The following GPR39 variants were observed in gnomAD, a reference collection of about 807,000 sequenced individuals.
The protein encoded by GPR39 is zinc sensing receptor.
GPR39 carries 23 observed loss-of-function variants against 18.4 expected under a neutral mutation model. The observed-to-expected ratio is 1.25, with a 90% CI of 0.90 to 1.77. The LOEUF (loss-of-function observed/expected upper bound fraction) is 1.77. Ranked by LOEUF, GPR39 falls within the 40% of genes most tolerant of loss-of-function variation. The pLI, the probability that GPR39 is intolerant of heterozygous loss-of-function variation, is 0.00. For missense variants in GPR39, 647 were observed against 602.4 expected, an observed-to-expected ratio of 1.07 and a Z score of -0.78; for synonymous variants, 280 against 257.9, an observed-to-expected ratio of 1.09 and a Z score of -0.82.
At chr2:132,449,527 A>T (rs1466481794) in intron 1 of GPR39, among the ~76,000 whole-genome samples, 1 of 152,164 alleles carries the variant, frequency 6.6e-6, no homozygotes, top group Non-Finnish European at 1.5e-5. Context: ...GATTACAGAC[A>T]TGAGCCACCG....
At chr2:132,579,333 A>C (rs561733631) in intron 1 of GPR39, among the ~76,000 whole-genome samples, 1 of 152,214 alleles carries the variant, frequency 6.6e-6, no homozygotes, top group Non-Finnish European at 1.5e-5. Context: ...TGTATAATTT[A>C]GATTCTTTTA....
intron 1 of GPR39, among the ~76,000 whole-genome samples, chr2:132,598,675 C>T (rs1256886008): frequency 6.6e-6 from 1 of 152,012 alleles, no homozygotes; most frequent in Non-Finnish European, 1.5e-5. Flanking sequence ...GTTCCACAAG[C>T]ATCCCAGTCC....
chr2:132,578,213 C>T (rs569198594), intron 1 of GPR39, among the ~76,000 whole-genome samples: 1 of 152,084 alleles, frequency 6.6e-6, no homozygotes, highest in Non-Finnish European at 1.5e-5. Context: ...ATTGCATCAG[C>T]CTTGCATCCC....
intron 1 of GPR39, among the ~76,000 whole-genome samples, chr2:132,533,073 A>G (rs1334025479): frequency 1.3e-5 from 2 of 152,176 alleles, no homozygotes; most frequent in East Asian, 1.9e-4. Context: ...TTTGCAGATG[A>G]CATGATTGTA....
chr2:132,493,441 C>CAT (rs1299175769), intron 1 of GPR39, among the ~76,000 whole-genome samples: 4 of 142,190 alleles, frequency 2.8e-5, no homozygotes, highest in Admixed American at 1.4e-4. Context: ...ATACACACAC[C>CAT]ATATATATAC....
chr2:132,635,385 T>C (rs1255977177), intron 1 of GPR39, among the ~76,000 whole-genome samples: 1 of 152,224 alleles, frequency 6.6e-6, no homozygotes, highest in African/African-American at 2.4e-5. Flanking sequence ...ATGATGTGAG[T>C]AGGAATGAAC....
chr2:132,533,078 A>G (rs1377277266), intron 1 of GPR39, among the ~76,000 whole-genome samples: 1 of 152,116 alleles, frequency 6.6e-6, no homozygotes, highest in African/African-American at 2.4e-5. Flanking sequence ...AGATGACATG[A>G]TTGTATATCT....
intron 1 of GPR39, among the ~76,000 whole-genome samples, chr2:132,504,071 C>G (rs760118418): frequency 6.6e-6 from 1 of 152,152 alleles, no homozygotes; most frequent in Non-Finnish European, 1.5e-5. Context: ...TCTCAGGGAG[C>G]CTGCAGGGGT....
intron 1 of GPR39, among the ~76,000 whole-genome samples, chr2:132,502,550 CGAT>C (rs756944399): frequency 6.6e-6 from 1 of 152,066 alleles, no homozygotes; most frequent in Non-Finnish European, 1.5e-5. Context: ...TGTATGTAGG[CGAT>C]GATCTCTTTG....
At chr2:132,481,305 A>T (rs1174342092) in intron 1 of GPR39, among the ~76,000 whole-genome samples, 1 of 152,152 alleles carries the variant, frequency 6.6e-6, no homozygotes, top group African/African-American at 2.4e-5. Context: ...TGTAATTCCA[A>T]ATCTATGTTT....
chr2:132,512,455 T>C (rs1004735383), intron 1 of GPR39, among the ~76,000 whole-genome samples: 4 of 152,038 alleles, frequency 2.6e-5, no homozygotes, highest in Non-Finnish European at 5.9e-5. Flanking sequence ...TCCACAAGGG[T>C]GTGTTCTGGG....
intron 1 of GPR39, among the ~76,000 whole-genome samples, chr2:132,459,102 C>T (rs1309454965): frequency 6.6e-6 from 1 of 152,200 alleles, no homozygotes; most frequent in African/African-American, 2.4e-5. Flanking sequence ...CCTAAAACAG[C>T]AACCAAAGAA....
intron 1 of GPR39, among the ~76,000 whole-genome samples, chr2:132,513,377 G>A (rs1679274281): frequency 6.6e-6 from 1 of 152,018 alleles, no homozygotes; most frequent in South Asian, 2.1e-4. Context: ...GCGGGAGGAT[G>A]GCGTGAACCT....
chr2:132,423,432 G>A (rs985778831), intron 1 of GPR39, among the ~76,000 whole-genome samples: 10 of 152,124 alleles, frequency 6.6e-5, no homozygotes, highest in African/African-American at 2.2e-4. Flanking sequence ...CGGGGCTTAG[G>A]CCTTCAACAT....
chr2:132,590,533 A>G (rs2104831258), intron 1 of GPR39, among the ~76,000 whole-genome samples: 1 of 152,056 alleles, frequency 6.6e-6, no homozygotes, highest in Non-Finnish European at 1.5e-5. Context: ...GCTTACTAGT[A>G]TTTGATTCAA....
At chr2:132,498,439 A>G (rs1681689851) in intron 1 of GPR39, among the ~76,000 whole-genome samples, 1 of 152,132 alleles carries the variant, frequency 6.6e-6, no homozygotes. Context: ...AGTAGTATTC[A>G]TGTATTTATA....
intron 1 of GPR39, among the ~76,000 whole-genome samples, chr2:132,436,570 A>G (rs1279807840): frequency 6.6e-6 from 1 of 152,140 alleles, no homozygotes; most frequent in Non-Finnish European, 1.5e-5. Context: ...TTTATATCAC[A>G]CTTGTCTGTG....
intron 1 of GPR39, among the ~76,000 whole-genome samples, chr2:132,445,862 A>C (rs1680525524): frequency 6.6e-6 from 1 of 152,188 alleles, no homozygotes; most frequent in Admixed American, 6.5e-5. Context: ...TATGAATAAG[A>C]GGCGAAGGTC....
At chr2:132,478,336 G>T (rs1055019202) in intron 1 of GPR39, among the ~76,000 whole-genome samples, 3 of 152,192 alleles carry the variant, frequency 2.0e-5, no homozygotes, top group African/African-American at 7.2e-5. Flanking sequence ...AATGTTTGTT[G>T]AATTATCTGG....
Sources: gnomAD v4.1 joint callset for allele counts (sites outside exome capture counted in the v4.1 genomes callset) on GRCh38, gnomAD v4.1.1 for gene constraint, MANE v1.5 for transcripts, NCBI Gene and HGNC (gene_info 2026-07-23, HGNC 2026-07-21) for gene names.